Variants in OAS2 observed in about 807,000 individuals in gnomAD.
The protein encoded by OAS2 is 2'-5'-oligoadenylate synthetase 2.
OAS2 carries 67 observed loss-of-function variants against 71.3 expected under a neutral mutation model. That is an observed-to-expected ratio of 0.94 (90% CI 0.77 to 1.15). The LOEUF is 1.15. OAS2 is among the 50% of genes most tolerant of loss of function. The probability of loss-of-function intolerance (pLI) is 0.00; values close to 1 mark genes in which losing one functional copy is unlikely to be tolerated. For synonymous variants in OAS2, 327 were observed against 321.8 expected, an observed-to-expected ratio of 1.02 and a Z score of -0.17; for missense variants, 789 against 822.5, an observed-to-expected ratio of 0.96 and a Z score of 0.50.
Position 113,007,793 on chromosome 12 carries a change from G to A in OAS2, c.1745G>A (p.Gly582Glu). Residue 582 changes from glycine to glutamate, a missense_variant, in exon 9 of 10, where the codon GGA (glycine) becomes GAA (glutamate). By Grantham distance (98) the Gly-to-Glu change is moderately conservative. Coordinates refer to ENST00000392583, the MANE Select transcript of OAS2 (RefSeq NM_002535.3). ...ATCTATGCCTGGGAGCAGGGGAGTG[G>A]AGTGCCGGATTTTGACACTGCAGAA... ...LTIYAWEQGSGVPDFDTAEGF... is the reference protein window; with the variant it reads ...LTIYAWEQGSEVPDFDTAEGF... The A allele has an allele frequency of 6.2e-7, 1 of 1,614,144 alleles. No homozygotes were observed.
At chr12:113,006,952 C>T (rs1036061287) in intron 8 of OAS2, among the ~76,000 whole-genome samples, 13 of 152,202 alleles carry the variant, frequency 8.5e-5, no homozygotes, top group African/African-American at 3.1e-4. Context: ...TGCTCTCTCT[C>T]AGAAGGCAGG....
intron 9 of OAS2, 129 bp from the exon 10 acceptor site, chr12:113,008,958 A>C: frequency 6.8e-7 from 1 of 1,466,134 alleles, no homozygotes; most frequent in Non-Finnish European, 9.1e-7. Context: ...CCTACTAGTA[A>C]ATTTGAGTTG....
In OAS2 at chr12:113,006,492, G is replaced by T. The variant is rs116723576; in HGVS notation, c.1548G>T (p.Pro516=). 1 of 1,613,536 alleles carries T rather than the reference G, an allele frequency of 6.2e-7. No homozygotes were observed. The change falls in exon 8 of 10, where the codon CCG becomes CCT. Residue 516 remains proline, a synonymous_variant. Transcript: ENST00000392583. ...ATCTGTATAAATCCTCGGACCTCCC[G>T]GGAGGAGAGTTTTCTACCTGTTTCA... is the stretch of plus-strand genomic sequence containing the variant. ...LIDLYKSSDL[P]GGEFSTCFTV...
intron 5 of OAS2, among the ~76,000 whole-genome samples, chr12:113,001,534 A>G (rs1459792761): frequency 2.0e-5 from 3 of 149,958 alleles, no homozygotes. Flanking sequence ...ATATATATAT[A>G]TACATATATA....
chr12:112,986,938 A>T, intron 1 of OAS2, 100 bp from the exon 2 acceptor site: 1 of 1,480,176 alleles, frequency 6.8e-7, no homozygotes. Context: ...TGTTAAGACC[A>T]TTTTTGGCTT....
In OAS2 at chr12:112,979,717, A is replaced by T. The variant is rs529310587; in HGVS notation, c.177+932A>T. ...CAATGTAACTGTGTAACCCCCACCC[A>T]GATCCAGAAACAAAACATTCTCAGC... On this transcript the variant is annotated intron_variant, in intron 1 of 9. Coordinates refer to ENST00000392583, the MANE Select transcript of OAS2 (RefSeq NM_002535.3). 6.6e-5 allele frequency among the ~76,000 whole-genome samples: 10 copies of T among 152,276 alleles called. 1 individual carries two copies. The highest frequency in any genetic ancestry group is 1.9e-4 in the African/African-American group (8 of 41,542).
chr12:113,005,270 G>A, intron 7 of OAS2, 48 bp downstream of exon 7: 2 of 1,567,496 alleles, frequency 1.3e-6, no homozygotes, highest in Non-Finnish European at 1.7e-6. Context: ...GACAGAAGGT[G>A]GAGGGAGAGC....
At chr12:113,000,612 T>C (rs1054276399) in intron 5 of OAS2, among the ~76,000 whole-genome samples, 1 of 146,132 alleles carries the variant, frequency 6.8e-6, no homozygotes, top group African/African-American at 2.6e-5. Flanking sequence ...CATGCATACA[T>C]GCACTCACAC....
At chr12:112,994,706 G>A (rs1263847706) in intron 2 of OAS2, among the ~76,000 whole-genome samples, 1 of 152,200 alleles carries the variant, frequency 6.6e-6, no homozygotes, top group East Asian at 1.9e-4. Flanking sequence ...ACAGGCATGA[G>A]CCACCGTGCC....
chr12:113,002,350 C>T (rs910734305), intron 5 of OAS2, among the ~76,000 whole-genome samples: 28 of 152,210 alleles, frequency 1.8e-4, no homozygotes, highest in African/African-American at 6.0e-4. Context: ...TGTGCCAAAA[C>T]CTGGACTTTG....
At position 112,998,355 on chromosome 12, in the gene OAS2, G is replaced by T; in HGVS notation, c.953G>T (p.Trp318Leu). ...WQWLKKEAQTWLTSPNLDNEL... is the reference protein window; with the variant it reads ...WQWLKKEAQTLLTSPNLDNEL... ...TGGCTGAAAAAAGAAGCTCAAACCT[G>T]GTTGACTTCTCCCAACCTGGATAAT... Residue 318 changes from tryptophan (W) to leucine (L), a missense_variant, in exon 5 of 10, where the codon TGG becomes TTG. By Grantham distance (61) the Trp-to-Leu change is moderately conservative. Transcript: ENST00000392583. The T allele has an allele frequency of 3.7e-6, 6 of 1,609,576 alleles. No homozygotes were observed. Among genetic ancestry groups the T allele is most frequent in the Non-Finnish European group, 5.1e-6 (6 of 1,179,002 alleles).
intron 5 of OAS2, among the ~76,000 whole-genome samples, chr12:113,001,642 C>T (rs1460537874): frequency 6.6e-6 from 1 of 150,804 alleles, no homozygotes; most frequent in Admixed American, 6.6e-5. Context: ...CATCTTCCAG[C>T]CTCTCTCTCT....
At position 113,008,760 on chromosome 12, in the gene OAS2, G is replaced by A. The variant is rs147849676; in HGVS notation, c.1896-327G>A. Among the ~76,000 whole-genome samples, 894 of 152,216 alleles carry A rather than the reference G, an allele frequency of 5.9e-3. 13 individuals carry two copies. The highest frequency in any genetic ancestry group is 0.02 in the African/African-American group (848 of 41,512). ...TCCTGCCTCAGCCTCCGAAGTAGCT[G>A]GGACTACAGGTGCGCACCACCACGC... On this transcript the variant is annotated intron_variant, in intron 9 of 9. Transcript: ENST00000392583.
Position 112,998,388 on chromosome 12 carries a change from C to G in OAS2, c.986C>G (p.Pro329Arg). The G allele has an allele frequency of 6.2e-7, 1 of 1,611,496 alleles. No individual in the cohort carries two copies. The highest frequency in any genetic ancestry group is 1.1e-5 in the South Asian group (1 of 90,336). ...TCTCCCAACCTGGATAATGAGTTAC[C>G]TGCACCATCTTGGAATGTTCTGGTA... ...LTSPNLDNEL[P>R]APSWNVLPAP... Residue 329 changes from proline (P) to arginine (R), a missense_variant, in exon 5 of 10, where the codon CCT becomes CGT. Transcript: ENST00000392583.
chr12:112,993,061 T>C (rs1374736462), intron 2 of OAS2, among the ~76,000 whole-genome samples: 1 of 152,136 alleles, frequency 6.6e-6, no homozygotes, highest in Non-Finnish European at 1.5e-5. Context: ...TATTATAAGC[T>C]CCTTTTTCTG....
intron 2 of OAS2, among the ~76,000 whole-genome samples, chr12:112,990,967 A>G (rs1239805625): frequency 2.0e-5 from 3 of 152,082 alleles, no homozygotes; most frequent in Non-Finnish European, 4.4e-5. Flanking sequence ...AAGGCTTAGA[A>G]TTTTATTTTT....
chr12:113,008,320 T>C (rs1311087366), intron 9 of OAS2, among the ~76,000 whole-genome samples: 1 of 151,930 alleles, frequency 6.6e-6, no homozygotes, highest in East Asian at 1.9e-4. Flanking sequence ...ATCATATCCA[T>C]CTGCTTAGGG....
chr12:112,978,590 C>G lies in OAS2; in HGVS notation c.-19C>G, dbSNP rs545739428. ...CCCATCCTACCATTCACTGTCTTGC[C>G]GGCAGCCAGCTGAGAGCAATGGGAA... On this transcript the variant is annotated 5_prime_UTR_variant, in exon 1 of 10. Transcript: ENST00000392583. This position sits in a 1 kb window ranked among gnomAD's most constrained non-coding sequence, Gnocchi z 4.2. 1.2e-6 allele frequency: 2 copies of G among 1,613,246 alleles called. No homozygotes were observed. Among genetic ancestry groups the G allele is most frequent in the South Asian group, 2.2e-5 (2 of 90,940 alleles).
rs76558724 is a variant in OAS2, at chr12:112,999,359, T to C, written c.1008+949T>C. ...CTTCCCAGGTTAGACCACTGAGCCC[T>C]CTCAGCTTTCCTGGGAACCGCACTG... On this transcript the variant is annotated intron_variant, in intron 5 of 9. Transcript: ENST00000392583. 5.5e-4 allele frequency among the ~76,000 whole-genome samples: 84 copies of C among 152,340 alleles called. 2 individuals are homozygous for C. The East Asian group carries it at 0.016, about 29-fold the overall frequency.
Sources: gnomAD v4.1 joint callset for allele counts (sites outside exome capture counted in the v4.1 genomes callset) on GRCh38, gnomAD v4.1.1 for gene constraint, Gnocchi (gnomAD v3.1) non-coding constraint, MANE v1.5 for transcripts, NCBI Gene and HGNC (gene_info 2026-07-23, HGNC 2026-07-21) for gene names.